Variants in FGR observed in about 807,000 individuals in gnomAD.
FGR encodes the protein FGR proto-oncogene, Src family tyrosine kinase.
A neutral mutation model predicts 63.2 loss-of-function variants in FGR; 26 were observed. The observed-to-expected ratio is 0.41, with a 90% CI of 0.30 to 0.57. The LOEUF (loss-of-function observed/expected upper bound fraction) is 0.57. Ranked by LOEUF, FGR falls within the 20% of genes least tolerant of loss-of-function variation. The pLI, the probability that FGR is intolerant of heterozygous loss-of-function variation, is 0.27. For synonymous variants in FGR, 286 were observed against 277.7 expected (o/e 1.03, Z -0.30); for missense variants, 511 against 690.8 (o/e 0.74, Z 2.92).
intron 2 of FGR, among the ~76,000 whole-genome samples, 163 bp downstream of exon 2, chr1:27,624,926 G>A (rs2089994835): frequency 6.6e-6 from 1 of 152,110 alleles, no homozygotes; most frequent in African/African-American, 2.4e-5. Flanking sequence ...CCTGTCGTGG[G>A]TCCAGCCTTC....
intron 2 of FGR, chr1:27,624,145 C>G: frequency 2.0e-6 from 1 of 503,216 alleles, no homozygotes; most frequent in Non-Finnish European, 3.5e-6. Flanking sequence ...TGCTTCTCTT[C>G]CCATTGGCTC....
At chr1:27,621,697 G>T in intron 4 of FGR, 40 bp from the exon 5 acceptor site, 2 of 1,485,508 alleles carry the variant, frequency 1.3e-6, no homozygotes, top group Non-Finnish European at 1.9e-6. Flanking sequence ...AGCACCTCCA[G>T]CCCCCAAGGC....
chr1:27,634,251 G>A (rs930894066), intron 1 of FGR, among the ~76,000 whole-genome samples: 4 of 152,196 alleles, frequency 2.6e-5, no homozygotes, highest in Non-Finnish European at 4.4e-5. Flanking sequence ...GATTTCCGTC[G>A]GGGCGGCAGC....
intron 4 of FGR, among the ~76,000 whole-genome samples, chr1:27,622,129 T>G (rs879634848): frequency 1.5e-4 from 23 of 152,014 alleles, no homozygotes; most frequent in Admixed American, 1.5e-3. Flanking sequence ...CTGGCCAACA[T>G]GGTGAAACCC....
chr1:27,626,254 T>C, intron 1 of FGR: 1 of 398,594 alleles, frequency 2.5e-6, no homozygotes, highest in Non-Finnish European at 4.4e-6. Context: ...AACCGACTGG[T>C]GAGAGGGCTT....
At chr1:27,619,769 A>G (rs1419488774) in intron 5 of FGR, among the ~76,000 whole-genome samples, 1 of 152,202 alleles carries the variant, frequency 6.6e-6, no homozygotes, top group Non-Finnish European at 1.5e-5. Flanking sequence ...CCTAGAACTC[A>G]TGAACTTATA....
chr1:27,614,298 TG>T (rs1483282845), intron 11 of FGR, 131 bp downstream of exon 11: 10 of 1,041,028 alleles, frequency 9.6e-6, no homozygotes, highest in Non-Finnish European at 1.4e-5. Context: ...AGCCCAGAAT[TG>T]CCTCTCATAC....
intron 4 of FGR, 121 bp downstream of exon 4, chr1:27,622,921 G>A (rs560259224): frequency 1.7e-4 from 120 of 699,016 alleles, no homozygotes; most frequent in Non-Finnish European, 1.2e-4. Flanking sequence ...GGTTTTTATT[G>A]TTATGTATAT....
chr1:27,617,222 A>G lies in FGR; in HGVS notation c.503T>C (p.Phe168Ser). The stretch of plus-strand genomic sequence containing the variant: ...GGTGGTCTCGCTTTCCCGAATGAGA[A>G]AGGCCCCCTGGGGGTTGCCTGGTGA... ...LLSPGNPQGA[F>S]LIRESETTKG... Residue 168 changes from phenylalanine (F) to serine (S), a missense_variant, in exon 6 of 13, where the codon TTT becomes TCT. Transcript: ENST00000374005. This position sits in a 1 kb window ranked among gnomAD's most constrained non-coding sequence, Gnocchi z 4.5. 6.2e-7 allele frequency: 1 copy of G among 1,614,102 alleles called. No individual in the cohort carries two copies. The highest frequency in any genetic ancestry group is 8.5e-7 in the Non-Finnish European group (1 of 1,179,980).
Position 27,616,813 on chromosome 1 carries a change from T to C in FGR, c.682+44A>G. Reference sequence around the variant, plus strand: ...GGCCTCAGTTCCCCCATCTGGACAATGCTTCAGTTGGTTGGTTCAGGGATC... The same window carrying C: ...GGCCTCAGTTCCCCCATCTGGACAACGCTTCAGTTGGTTGGTTCAGGGATC... On this transcript the variant is annotated intron_variant, in intron 7 of 12. Transcript: ENST00000374005. The surrounding 1 kb of genome is among the most constrained non-coding windows in gnomAD (Gnocchi z 4.3). 6.2e-7 allele frequency: 1 copy of C among 1,603,676 alleles called. No homozygotes were observed. The highest frequency in any genetic ancestry group is 8.5e-7 in the Non-Finnish European group (1 of 1,170,724).
At chr1:27,626,117 T>C in intron 1 of FGR, 1 of 398,644 alleles carries the variant, frequency 2.5e-6, no homozygotes, top group Non-Finnish European at 4.4e-6. Context: ...CAGAGTACCT[T>C]GGGAAGCCCC....
chr1:27,629,074 A>AAGAG (rs1027470613), intron 1 of FGR, among the ~76,000 whole-genome samples: 1 of 152,016 alleles, frequency 6.6e-6, no homozygotes, highest in Non-Finnish European at 1.5e-5. Flanking sequence ...GGCAGAAAGA[A>AAGAG]AGAGAGAGAG....
At chr1:27,621,037 GAAAAGAAAAACAAAAAGA>G (rs2089914919) in intron 5 of FGR, among the ~76,000 whole-genome samples, 2 of 81,788 alleles carry the variant, frequency 2.4e-5, no homozygotes, top group Non-Finnish European at 5.5e-5. Context: ...AGAAAGAAAA[GAAAAGAAAAACAAAAAGA>G]AAAAGAAAAA....
chr1:27,624,102 G>A (rs77864869), intron 2 of FGR, 173 bp from the exon 3 acceptor site: 6,920 of 569,188 alleles, frequency 0.012, 59 homozygotes, highest in Middle Eastern at 0.025. Context: ...CTACTGTACC[G>A]TTCAGTCTGC....
rs2089970957 is a variant in FGR, at chr1:27,623,710, G to A, written c.207C>T (p.Gly69=). The change falls in exon 3 of 13, where the codon GGC becomes GGT. Residue 69 remains glycine, a synonymous_variant. Transcript: ENST00000374005. ...ACTCACCTGACACACCCCTGATGGT[G>A]CCACTATCAAGGAAGCCAGGGTTGA... is the stretch of plus-strand genomic sequence containing the variant. ...QAINPGFLDS[G]TIRGVSGIGV... is the part of the protein sequence containing the mutation. 1.2e-6 allele frequency: 2 copies of A among 1,614,076 alleles called. No homozygotes were observed. Among genetic ancestry groups the A allele is most frequent in the South Asian group, 2.2e-5 (2 of 91,088 alleles).
intron 9 of FGR, 25 bp from the exon 10 acceptor site, chr1:27,614,951 G>A (rs755337653): frequency 3.2e-6 from 5 of 1,574,066 alleles, no homozygotes; most frequent in South Asian, 2.3e-5. Flanking sequence ...GAAAGTCAGC[G>A]GCAAAGCCCT....
intron 1 of FGR, among the ~76,000 whole-genome samples, chr1:27,634,408 C>A (rs1283829382): frequency 6.6e-6 from 1 of 152,186 alleles, no homozygotes; most frequent in African/African-American, 2.4e-5. Context: ...CCCCTGCAGC[C>A]CGGAACCTAC....
Position 27,613,193 on chromosome 1 carries a change from C to A in FGR, c.1381+26G>T, listed in dbSNP as rs1571374894. The A allele has an allele frequency of 2.5e-6, 4 of 1,611,392 alleles. No homozygotes were observed. The East Asian group carries it at 8.9e-5, about 36-fold the overall frequency. On this transcript the variant is annotated intron_variant, in intron 12 of 12. Coordinates refer to ENST00000374005, the MANE Select transcript of FGR (RefSeq NM_005248.3). ...CCCTTCCCCGTGACCATCCCCCACCCCAGCCCTACCCCTGGCGAGGCAAAC... is the reference window on the plus strand; with the variant it reads ...CCCTTCCCCGTGACCATCCCCCACCACAGCCCTACCCCTGGCGAGGCAAAC...
At chr1:27,626,368 C>T (rs182687893) in intron 1 of FGR, 111 of 396,610 alleles carry the variant, frequency 2.8e-4, no homozygotes, top group African/African-American at 1.9e-3. Flanking sequence ...GGGCCCCCAG[C>T]TTCTCTCTCT....
Sources: gnomAD v4.1 joint callset for allele counts (sites outside exome capture counted in the v4.1 genomes callset) on GRCh38, gnomAD v4.1.1 for gene constraint, Gnocchi (gnomAD v3.1) non-coding constraint, MANE v1.5 for transcripts, NCBI Gene and HGNC (gene_info 2026-07-23, HGNC 2026-07-21) for gene names.